The following SNU13 variants were observed in gnomAD, a reference collection of about 807,000 sequenced individuals.
SNU13 encodes small nuclear ribonucleoprotein 13, also known as NHP2-like protein 1.
Under a neutral mutation model 12.4 loss-of-function variants are expected in SNU13, and 2 were observed. The ratio of observed to expected loss-of-function variants is 0.16; its 90% CI spans 0.07 to 0.51. SNU13 has a LOEUF of 0.51. Among genes scored for constraint, SNU13 ranks in the 20% least tolerant of loss-of-function variants. The pLI is 0.96. For synonymous variants in SNU13, 68 were observed against 66.5 expected, an observed-to-expected ratio of 1.02 and a Z score of -0.11; for missense variants, 66 against 157.8, an observed-to-expected ratio of 0.42 and a Z score of 3.12.
upstream of SNU13, among the ~76,000 whole-genome samples, chr22:41,689,979 CA>C (rs770945331): frequency 0.024 from 2,332 of 97,762 alleles, 40 homozygotes; most frequent in African/African-American, 0.069. Flanking sequence ...AACTCGGTCT[CA>C]AAAAAAAAAA....
intron 1 of SNU13, chr22:41,682,508 A>G: frequency 6.5e-7 from 1 of 1,548,218 alleles, no homozygotes; most frequent in Non-Finnish European, 8.7e-7. Flanking sequence ...AGTGACGTCC[A>G]GGGCCAGCCC....
chr22:41,682,982 C>T (rs996073760), intron 1 of SNU13, among the ~76,000 whole-genome samples: 1 of 151,684 alleles, frequency 6.6e-6, no homozygotes, highest in African/African-American at 2.4e-5. Flanking sequence ...GAGTATGTCT[C>T]CTTCACATGT....
chr22:41,680,911 C>T (rs1230082362), intron 1 of SNU13, among the ~76,000 whole-genome samples: 1 of 152,200 alleles, frequency 6.6e-6, no homozygotes, highest in Non-Finnish European at 1.5e-5. Context: ...CCAGGCTGGT[C>T]TCAAACTCCT....
At chr22:41,688,953 C>A (rs2068337226), upstream of SNU13, 1 of 1,367,658 alleles carries the variant, frequency 7.3e-7, no homozygotes, top group Non-Finnish European at 9.5e-7. Context: ...GCCCCGCCCT[C>A]TACGGGGGCA....
intron 1 of SNU13, among the ~76,000 whole-genome samples, chr22:41,685,324 G>C (rs1243563622): frequency 6.6e-6 from 1 of 151,660 alleles, no homozygotes. Context: ...TACAAGTGTG[G>C]GCCACCACTC....
chr22:41,690,409 G>T, upstream of SNU13: 1 of 719,046 alleles, frequency 1.4e-6, no homozygotes, highest in South Asian at 1.5e-5. Flanking sequence ...AATTACTTTT[G>T]AACAATTCCC....
chr22:41,679,383 C>T (rs2068242394), intron 2 of SNU13, among the ~76,000 whole-genome samples: 1 of 152,070 alleles, frequency 6.6e-6, no homozygotes, highest in African/African-American at 2.4e-5. Flanking sequence ...ATAGTGAAAC[C>T]CCATCTTTAC....
chr22:41,682,389 A>ACCGCGAGGATACCACGC, intron 1 of SNU13: 1 of 1,613,910 alleles, frequency 6.2e-7, no homozygotes, highest in Non-Finnish European at 8.5e-7. Context: ...CTTGCCGGAC[A>ACCGCGAGGATACCACGC]CCGCGAGGAT....
At chr22:41,678,443 A>C (rs1347345786) in intron 2 of SNU13, among the ~76,000 whole-genome samples, 2 of 152,222 alleles carry the variant, frequency 1.3e-5, no homozygotes, top group Non-Finnish European at 2.9e-5. Context: ...AGAATACCTG[A>C]CACTGAGGCA....
rs1601566692 is a variant in SNU13, at chr22:41,673,979, G to A, written c.*954C>T. On this transcript the variant is annotated 3_prime_UTR_variant, in exon 3 of 3. Coordinates refer to ENST00000401959, the MANE Select transcript of SNU13 (RefSeq NM_001003796.2). Reference sequence around the variant, plus strand: ...TTATTAGGATGCTCACAAGAATGGAGAACACATGAACTAGCACTCTCCTCA... The same window carrying A: ...TTATTAGGATGCTCACAAGAATGGAAAACACATGAACTAGCACTCTCCTCA... 1 of 152,210 alleles carries A rather than the reference G, an allele frequency of 6.6e-6. No individual in the cohort carries two copies. Among genetic ancestry groups the A allele is most frequent in the Admixed American group, 6.5e-5 (1 of 15,276 alleles). 9.4% of individuals were successfully genotyped at this position (152,210 alleles called of 1,614,324 possible). A position where few individuals can be genotyped will look rare whatever the true frequency, so the allele number is the denominator to read the frequency against.
At chr22:41,682,450 G>T in intron 1 of SNU13, 1 of 1,607,328 alleles carries the variant, frequency 6.2e-7, no homozygotes, top group Non-Finnish European at 8.5e-7. Context: ...CAAGGACACG[G>T]ATGCCCCGCC....
chr22:41,688,871 A>G, upstream of SNU13: 1 of 1,510,280 alleles, frequency 6.6e-7, no homozygotes, highest in Non-Finnish European at 8.9e-7. Context: ...TGCACCGGAA[A>G]AACTCACAGA....
At chr22:41,676,375 ACTGT>A (rs1490871390) in intron 2 of SNU13, among the ~76,000 whole-genome samples, 2 of 152,288 alleles carry the variant, frequency 1.3e-5, no homozygotes, top group Non-Finnish European at 2.9e-5. Flanking sequence ...CTAGAGCTAC[ACTGT>A]CTGAGTGCAA....
intron 1 of SNU13, chr22:41,687,827 A>G (rs566967565): frequency 6.6e-6 from 1 of 152,236 alleles, no homozygotes; most frequent in Non-Finnish European, 1.5e-5. Context: ...GGAAAACTGC[A>G]AAGTTCAACC....
chr22:41,679,967 A>G (rs551111376), intron 2 of SNU13: 4 of 252,824 alleles, frequency 1.6e-5, no homozygotes, highest in Admixed American at 1.0e-4. Flanking sequence ...GAGGTCATAC[A>G]GCCACTATAC....
At chr22:41,678,550 T>C (rs1189974970) in intron 2 of SNU13, among the ~76,000 whole-genome samples, 4 of 152,192 alleles carry the variant, frequency 2.6e-5, no homozygotes, top group African/African-American at 9.7e-5. Flanking sequence ...CAAGGACCTG[T>C]GTGCTTATCA....
chr22:41,682,570 G>A, intron 1 of SNU13: 1 of 1,451,660 alleles, frequency 6.9e-7, no homozygotes, highest in Non-Finnish European at 9.1e-7. Context: ...AGGCGAATTT[G>A]TCTTGGTCCC....
intron 2 of SNU13, among the ~76,000 whole-genome samples, chr22:41,677,671 C>T (rs1226538893): frequency 6.6e-6 from 1 of 152,142 alleles, no homozygotes; most frequent in Non-Finnish European, 1.5e-5. Context: ...AAGATCATAG[C>T]AATCTTGCTG....
intron 1 of SNU13, chr22:41,682,367 T>C (rs1053990920): frequency 3.1e-6 from 5 of 1,613,996 alleles, no homozygotes; most frequent in Admixed American, 1.7e-5. Flanking sequence ...ATAGCGTCTG[T>C]CTTGGTAGTC....
Sources: allele counts gnomAD v4.1 joint callset (sites outside exome capture counted in the v4.1 genomes callset), GRCh38; gene constraint gnomAD v4.1.1; transcripts MANE v1.5; gene names NCBI Gene and HGNC (gene_info 2026-07-23, HGNC 2026-07-21).